Variants in DNAJC16 observed in about 807,000 individuals in gnomAD.
DNAJC16 encodes the protein dnaJ homolog subfamily C member 16.
Under a neutral mutation model 92.7 loss-of-function variants are expected in DNAJC16, and 76 were observed. That is an observed-to-expected ratio of 0.82 (90% CI 0.68 to 0.99). DNAJC16 has a LOEUF of 0.99. DNAJC16 is among the 50% of genes least tolerant of loss of function. The probability of loss-of-function intolerance (pLI) is 0.00; values close to 1 mark genes in which losing one functional copy is unlikely to be tolerated. For synonymous variants in DNAJC16, 328 were observed against 358.7 expected, an observed-to-expected ratio of 0.91 and a Z score of 0.97; for missense variants, 869 against 942.4, an observed-to-expected ratio of 0.92 and a Z score of 1.02.
At chr1:15,556,773 A>G (rs1638581388) in intron 7 of DNAJC16, among the ~76,000 whole-genome samples, 1 of 152,188 alleles carries the variant, frequency 6.6e-6, no homozygotes, top group Non-Finnish European at 1.5e-5. Context: ...CTTGATTTCA[A>G]AGAGAGGGAA....
chr1:15,565,293 A>G (rs1160142429), intron 11 of DNAJC16: 2 of 154,238 alleles, frequency 1.3e-5, no homozygotes, highest in East Asian at 3.8e-4. Context: ...TCCAGTGTAT[A>G]GATGTAAAAG....
intron 4 of DNAJC16, among the ~76,000 whole-genome samples, chr1:15,543,476 G>A (rs1710982545): frequency 6.6e-6 from 1 of 152,188 alleles, no homozygotes. Context: ...AGAGGGCATG[G>A]GGAACCAGGG....
At chr1:15,566,025 C>CACCACCATGGTTGGTGT in intron 12 of DNAJC16, 26 bp downstream of exon 12, 1 of 1,613,124 alleles carries the variant, frequency 6.2e-7, no homozygotes, top group African/African-American at 1.3e-5. Context: ...CTTCTCGGTG[C>CACCACCATGGTTGGTGT]ACCACCATGG....
chr1:15,555,456 G>A (rs185441712), intron 7 of DNAJC16, among the ~76,000 whole-genome samples: 139 of 151,546 alleles, frequency 9.2e-4, no homozygotes, highest in African/African-American at 3.1e-3. Flanking sequence ...AGGCTGAGGC[G>A]GGTGGATCAC....
chr1:15,536,576 C>T lies in DNAJC16; in HGVS notation c.336C>T (p.Phe112=). The T allele has an allele frequency of 6.2e-7, 1 of 1,614,202 alleles. No individual in the cohort carries two copies. Among genetic ancestry groups the T allele is most frequent in the Non-Finnish European group, 8.5e-7 (1 of 1,180,044 alleles). ...QKQQQQREYR[F]RHFHENFYFD... ...AGCAACAGCAGCGAGAGTATCGCTT[C>T]CGCCATTTCCATGAAAATTTTTATT... is the stretch of plus-strand genomic sequence containing the variant. The change falls in exon 4 of 15, where the codon TTC becomes TTT. Residue 112 remains phenylalanine (F), a synonymous_variant. Transcript: ENST00000375847.
chr1:15,568,205 T>C lies in DNAJC16; in HGVS notation c.*28T>C, dbSNP rs764745002. The C allele has an allele frequency of 1.3e-6, 2 of 1,566,780 alleles. No individual in the cohort carries two copies. Among genetic ancestry groups the C allele is most frequent in the South Asian group, 1.2e-5 (1 of 84,838 alleles). On this transcript the variant is annotated 3_prime_UTR_variant, in exon 15 of 15. Coordinates refer to ENST00000375847, the MANE Select transcript of DNAJC16 (RefSeq NM_015291.4). ...GGATTTTCCAAAGAGATTTGAACTC[T>C]TCAGACTTTTTAACATGCCCCTGTG...
intron 7 of DNAJC16, among the ~76,000 whole-genome samples, chr1:15,556,884 A>G (rs1266978300): frequency 6.6e-6 from 1 of 152,230 alleles, no homozygotes; most frequent in East Asian, 1.9e-4. Context: ...TTGTTGACTA[A>G]AAGTTCTAAC....
At position 15,569,822 on chromosome 1, in the gene DNAJC16, T is replaced by C. The variant is rs1364846831; in HGVS notation, c.*1645T>C. On this transcript the variant is annotated 3_prime_UTR_variant, in exon 15 of 15. Transcript: ENST00000375847. ...TGTAATTAGCCCGGCTAATTTTGTA[T>C]TTTTAGTAGAGACGGGATTTCTCCA... is the stretch of plus-strand genomic sequence containing the variant. The C allele has an allele frequency of 2.0e-5, 3 of 152,074 alleles. No individual in the cohort carries two copies. Among genetic ancestry groups the C allele is most frequent in the Non-Finnish European group, 4.4e-5 (3 of 68,012 alleles). The allele number at this position is 152,074 out of a possible 1,614,324, so 9.4% of individuals were successfully genotyped here.
Position 15,544,528 on chromosome 1 carries a change from G to T in DNAJC16, c.704G>T (p.Arg235Leu). 6.2e-7 allele frequency: 1 copy of T among 1,614,152 alleles called. No individual in the cohort carries two copies. The highest frequency in any genetic ancestry group is 8.5e-7 in the Non-Finnish European group (1 of 1,180,020). The change falls in exon 5 of 15, where the codon CGT (arginine) becomes CTT (leucine). Residue 235 changes from arginine to leucine, a missense_variant. By Grantham distance (102) the Arg-to-Leu change is moderately radical. Coordinates refer to ENST00000375847, the MANE Select transcript of DNAJC16 (RefSeq NM_015291.4). ...KISFFHNAVV[R>L]ENLRQFVESL... ...TCCTTCTTCCACAATGCAGTTGTCC[G>T]TGAAAATCTGCGACAATTTGTAGAA...
chr1:15,549,615 C>T (rs1638395809), intron 7 of DNAJC16, among the ~76,000 whole-genome samples: 1 of 151,880 alleles, frequency 6.6e-6, no homozygotes, highest in Non-Finnish European at 1.5e-5. Context: ...GAGATTGAGA[C>T]CATCCTGGCC....
chr1:15,562,047 A>G, intron 8 of DNAJC16, 95 bp from the exon 9 acceptor site: 1 of 1,315,786 alleles, frequency 7.6e-7, no homozygotes, highest in Non-Finnish European at 1.0e-6. Context: ...CTTCCATAAG[A>G]TGAGCTCCTC....
intron 4 of DNAJC16, among the ~76,000 whole-genome samples, chr1:15,542,921 C>T (rs1421683550): frequency 6.6e-6 from 1 of 152,166 alleles, no homozygotes; most frequent in Non-Finnish European, 1.5e-5. Flanking sequence ...CATAGTGAGA[C>T]CCCATCTCTT....
At chr1:15,528,842 TC>T (rs1557565751) in intron 1 of DNAJC16, among the ~76,000 whole-genome samples, 1 of 152,224 alleles carries the variant, frequency 6.6e-6, no homozygotes, top group Non-Finnish European at 1.5e-5. Context: ...GCTTTTCTAG[TC>T]AAAGTGTTCT....
At chr1:15,532,956 A>G (rs1334862617) in intron 2 of DNAJC16, among the ~76,000 whole-genome samples, 1 of 151,836 alleles carries the variant, frequency 6.6e-6, no homozygotes, top group Non-Finnish European at 1.5e-5. Flanking sequence ...TAAGTTGTAG[A>G]TTTTTTTTTA....
At position 15,566,194 on chromosome 1, in the gene DNAJC16, A is replaced by G; in HGVS notation, c.1778+14A>G. The G allele has an allele frequency of 6.2e-7, 1 of 1,607,662 alleles. No individual in the cohort carries two copies. Among genetic ancestry groups the G allele is most frequent in the Non-Finnish European group, 8.5e-7 (1 of 1,175,352 alleles). On this transcript the variant is annotated intron_variant, in intron 13 of 14. Transcript: ENST00000375847. ...AGAAAACAGCAGGTTTCTCTAACAA[A>G]ACACCAGACTCACCTCCCCGGCACC...
chr1:15,556,125 CTTTT>C (rs35148374), intron 7 of DNAJC16, among the ~76,000 whole-genome samples: 2 of 130,580 alleles, frequency 1.5e-5, no homozygotes, highest in African/African-American at 5.5e-5. Flanking sequence ...GAGACTTTAT[CTTTT>C]TTTTTTTTTT....
rs758508241 is a variant in DNAJC16 at position 15,562,366 on chromosome 1, C to A, written c.1338+41C>A. ...TCTCCTCATCCCAGGCTCTTCATAA[C>A]CATGTGGCACTTGATTCTGTTTCCT... is the stretch of plus-strand genomic sequence containing the variant. On this transcript the variant is annotated intron_variant, in intron 9 of 14. Coordinates refer to ENST00000375847, the MANE Select transcript of DNAJC16 (RefSeq NM_015291.4). 2.0e-6 allele frequency: 3 copies of A among 1,527,570 alleles called. No homozygotes were observed. In the Admixed American group the frequency reaches 5.6e-5, roughly 29 times the overall value. 94.6% of individuals were successfully genotyped at this position (1,527,570 alleles called of 1,614,324 possible). A position where few individuals can be genotyped will look rare whatever the true frequency, so the allele number is the denominator to read the frequency against.
intron 3 of DNAJC16, 34 bp from the exon 4 acceptor site, chr1:15,536,441 T>C: frequency 6.6e-7 from 1 of 1,513,426 alleles, no homozygotes; most frequent in Non-Finnish European, 8.8e-7. Context: ...GATGAACCTT[T>C]TGTTGTTGTT....
chr1:15,548,144 G>A, intron 6 of DNAJC16, 126 bp from the exon 7 acceptor site: 2 of 792,950 alleles, frequency 2.5e-6, no homozygotes, highest in Non-Finnish European at 3.9e-6. Context: ...GGATACGGAA[G>A]ACCTAGTGGA....
Sources: gnomAD v4.1 joint callset for allele counts (sites outside exome capture counted in the v4.1 genomes callset) on GRCh38, gnomAD v4.1.1 for gene constraint, MANE v1.5 for transcripts, NCBI Gene and HGNC (gene_info 2026-07-23, HGNC 2026-07-21) for gene names.